ROBO1: variants seen among roughly 807,000 people sequenced by gnomAD.
The protein encoded by ROBO1 is roundabout guidance receptor 1, also known as roundabout homolog 1.
A neutral mutation model predicts 195.9 loss-of-function variants in ROBO1; 149 were observed. That is an observed-to-expected ratio of 0.76 (90% CI 0.67 to 0.87). The LOEUF (loss-of-function observed/expected upper bound fraction) is 0.87. Ranked by LOEUF, ROBO1 falls within the 40% of genes least tolerant of loss-of-function variation. The pLI, the probability that ROBO1 is intolerant of heterozygous loss-of-function variation, is 0.00. For missense variants in ROBO1, 1,933 were observed against 2,068.3 expected (o/e 0.93, Z 1.27); for synonymous variants, 816 against 733.2 (o/e 1.11, Z -1.82).
At chr3:78,774,043 T>A (rs1030897014) in intron 4 of ROBO1, among the ~76,000 whole-genome samples, 2 of 152,218 alleles carry the variant, frequency 1.3e-5, no homozygotes, top group East Asian at 3.8e-4. Flanking sequence ...CTTTTCTTAC[T>A]CATTTTCTAA....
chr3:78,744,679 C>T (rs982547956), intron 5 of ROBO1, among the ~76,000 whole-genome samples: 1 of 151,996 alleles, frequency 6.6e-6, no homozygotes, highest in Non-Finnish European at 1.5e-5. Context: ...TTTCCAGACA[C>T]TTGTATAGTT....
intron 1 of ROBO1, among the ~76,000 whole-genome samples, chr3:79,741,431 T>C (rs1703645294): frequency 1.3e-5 from 2 of 152,326 alleles, no homozygotes; most frequent in South Asian, 2.1e-4. Flanking sequence ...AACTGGCTGC[T>C]TTCTGTCACC....
intron 8 of ROBO1, among the ~76,000 whole-genome samples, chr3:78,700,179 C>G (rs986983284): frequency 1.3e-5 from 2 of 152,042 alleles, no homozygotes; most frequent in African/African-American, 4.8e-5. Flanking sequence ...TTCCAATAGC[C>G]CAGTTGAAAG....
intron 14 of ROBO1, among the ~76,000 whole-genome samples, chr3:78,663,465 T>A (rs1342734751): frequency 6.6e-6 from 1 of 152,124 alleles, no homozygotes; most frequent in African/African-American, 2.4e-5. Context: ...CACCTTTCCA[T>A]CTCTTCCTTA....
chr3:79,708,747 G>A (rs1453370350), intron 1 of ROBO1, among the ~76,000 whole-genome samples: 1 of 152,116 alleles, frequency 6.6e-6, no homozygotes, highest in Non-Finnish European at 1.5e-5. Flanking sequence ...TGCATGTGGA[G>A]TCTTAACTAT....
At chr3:78,713,941 T>G (rs1343686395) in intron 8 of ROBO1, among the ~76,000 whole-genome samples, 1 of 152,150 alleles carries the variant, frequency 6.6e-6, no homozygotes, top group Non-Finnish European at 1.5e-5. Context: ...TTCTGAAGAG[T>G]AATAGAATCT....
At chr3:79,369,283 T>C (rs532730002) in intron 2 of ROBO1, among the ~76,000 whole-genome samples, 2 of 152,300 alleles carry the variant, frequency 1.3e-5, no homozygotes, top group African/African-American at 4.8e-5. Flanking sequence ...GCTAATCACA[T>C]AGAAATCTAA....
intron 4 of ROBO1, among the ~76,000 whole-genome samples, chr3:78,787,706 A>C (rs560693887): frequency 2.0e-5 from 3 of 152,156 alleles, no homozygotes; most frequent in Admixed American, 2.0e-4. Context: ...ACTTTGGGAG[A>C]CCAAGGCAGG....
At chr3:79,509,507 C>A (rs997711912) in intron 2 of ROBO1, among the ~76,000 whole-genome samples, 1 of 152,102 alleles carries the variant, frequency 6.6e-6, no homozygotes, top group African/African-American at 2.4e-5. Flanking sequence ...TTCTATAATT[C>A]TAGGAACAGT....
At position 78,661,069 on chromosome 3, in the gene ROBO1, C is replaced by T. The variant is rs766776273; in HGVS notation, c.2281G>A (p.Ala761Thr). The change falls in exon 16 of 31, where the codon GCA (alanine) becomes ACA (threonine). Residue 761 changes from alanine (A) to threonine (T), a missense_variant. By Grantham distance (58) the Ala-to-Thr change is moderately conservative (BLOSUM62 0). This residue lies in a region of ROBO1 where 1,737 missense variants were observed against 1,882.5 expected (regional missense o/e 0.92). Transcript: ENST00000464233. ...TTGGCAAACTTGATTTCACTATCTGCTCCTTGAAATTCATTAAAAAAAGGG... is the reference window on the plus strand; with the variant it reads ...TTGGCAAACTTGATTTCACTATCTGTTCCTTGAAATTCATTAAAAAAAGGG... ...ARPFFNEFQG[A>T]DSEIKFAKTL... 9.3e-6 allele frequency: 15 copies of T among 1,613,238 alleles called. No individual in the cohort carries two copies. Among genetic ancestry groups the T allele is most frequent in the South Asian group, 1.1e-5 (1 of 90,936 alleles).
chr3:79,656,715 T>G (rs1946175165), intron 1 of ROBO1, among the ~76,000 whole-genome samples: 1 of 151,698 alleles, frequency 6.6e-6, no homozygotes, highest in Non-Finnish European at 1.5e-5. Context: ...GACAACATAG[T>G]GAGACCCCAT....
intron 4 of ROBO1, among the ~76,000 whole-genome samples, chr3:78,898,334 G>T (rs329821): frequency 0.43 from 62,010 of 144,620 alleles, 15,114 homozygotes; most frequent in African/African-American, 0.68. Flanking sequence ...TATATATATA[G>T]AGAGAGAGAC....
intron 4 of ROBO1, chr3:78,938,305 T>A (rs895263756): frequency 5.9e-6 from 2 of 339,120 alleles, no homozygotes; most frequent in Non-Finnish European, 1.1e-5. Context: ...TTCAATATCT[T>A]TAAAGGTAAC....
intron 2 of ROBO1, among the ~76,000 whole-genome samples, chr3:79,383,479 C>A (rs757555931): frequency 6.6e-6 from 1 of 151,870 alleles, no homozygotes; most frequent in Non-Finnish European, 1.5e-5. Context: ...CCTGGAGGTG[C>A]AATTTTATTG....
intron 1 of ROBO1, among the ~76,000 whole-genome samples, chr3:79,620,158 C>A (rs539361242): frequency 6.6e-6 from 1 of 152,190 alleles, no homozygotes; most frequent in Non-Finnish European, 1.5e-5. Flanking sequence ...AGCTGTGTCC[C>A]GTCTGTGCGG....
intron 2 of ROBO1, among the ~76,000 whole-genome samples, chr3:79,161,712 G>C (rs886098050): frequency 5.9e-5 from 9 of 152,024 alleles, no homozygotes; most frequent in Non-Finnish European, 1.3e-4. Flanking sequence ...AAAATCATTT[G>C]TGCAGGTGCT....
chr3:78,907,355 A>C (rs933687809), intron 4 of ROBO1, among the ~76,000 whole-genome samples: 1 of 152,114 alleles, frequency 6.6e-6, no homozygotes. Context: ...CACAGTGACA[A>C]GGGAAGATGT....
chr3:78,776,751 C>T lies in ROBO1; in HGVS notation c.500-29851G>A, dbSNP rs191767963. Among the ~76,000 whole-genome samples, 657 of 152,210 alleles carry T rather than the reference C, an allele frequency of 4.3e-3. 7 individuals carry two copies. The highest frequency in any genetic ancestry group is 0.014 in the Middle Eastern group (4 of 294). On this transcript the variant is annotated intron_variant, in intron 4 of 30. Transcript: ENST00000464233. The stretch of plus-strand genomic sequence containing the variant: ...AGTAGAGACACTATGGTCAGACTGC[C>T]TGGGTAAAAACTTAGCTCTGTCATT...
intron 2 of ROBO1, among the ~76,000 whole-genome samples, chr3:79,447,284 A>G (rs1031554764): frequency 6.6e-6 from 1 of 152,162 alleles, no homozygotes. Flanking sequence ...TATGGTCTGG[A>G]CCACAGAGAG....
Sources: allele counts gnomAD v4.1 joint callset (sites outside exome capture counted in the v4.1 genomes callset), GRCh38; gene constraint gnomAD v4.1.1; regional missense constraint gnomAD v4.1.1; transcripts MANE v1.5; gene names NCBI Gene and HGNC (gene_info 2026-07-23, HGNC 2026-07-21).